The following STAG1 variants were observed in gnomAD, a reference collection of about 807,000 sequenced individuals.
STAG1 encodes cohesin subunit SA-1.
A neutral mutation model predicts 170.9 loss-of-function variants in STAG1; 26 were observed. The observed-to-expected ratio is 0.15, with a 90% CI of 0.11 to 0.21. STAG1 has a LOEUF of 0.21. Ranked by LOEUF, STAG1 falls within the 10% of genes least tolerant of loss-of-function variation. The pLI is 1.00. For synonymous variants in STAG1, 514 were observed against 497.7 expected (o/e 1.03, Z -0.44); for missense variants, 964 against 1,509.5 (o/e 0.64, Z 5.99).
intron 1 of STAG1, among the ~76,000 whole-genome samples, chr3:136,652,561 A>G (rs1292578655): frequency 1.3e-5 from 2 of 152,196 alleles, no homozygotes; most frequent in Non-Finnish European, 1.5e-5. Flanking sequence ...GGCCAATGTT[A>G]TAAGAGAGTT....
At chr3:136,362,280 C>T (rs1162824094) in intron 26 of STAG1, among the ~76,000 whole-genome samples, 1 of 151,864 alleles carries the variant, frequency 6.6e-6, no homozygotes, top group Admixed American at 6.6e-5. Context: ...CTCATGTTTA[C>T]TGGTTTGTAA....
intron 1 of STAG1, among the ~76,000 whole-genome samples, chr3:136,743,019 C>G (rs1248446980): frequency 6.6e-6 from 1 of 152,048 alleles, no homozygotes; most frequent in East Asian, 1.9e-4. Context: ...TGACAATTAC[C>G]TCAGTTGGTT....
chr3:136,342,959 G>T (rs1296799910), intron 30 of STAG1, among the ~76,000 whole-genome samples: 1 of 152,240 alleles, frequency 6.6e-6, no homozygotes, highest in African/African-American at 2.4e-5. Context: ...GCACAAGAAT[G>T]CCCAGTTATA....
chr3:136,436,763 G>C (rs2088474265), intron 15 of STAG1, among the ~76,000 whole-genome samples: 2 of 152,020 alleles, frequency 1.3e-5, no homozygotes, highest in Admixed American at 1.3e-4. Context: ...AACTAAGTTG[G>C]AGCAAAATCA....
At chr3:136,604,873 C>T (rs943952992) in intron 3 of STAG1, among the ~76,000 whole-genome samples, 1 of 152,144 alleles carries the variant, frequency 6.6e-6, no homozygotes, top group Non-Finnish European at 1.5e-5. Context: ...TGGTCTCGTA[C>T]TCCTGACCTC....
At chr3:136,714,907 C>CA (rs566097796) in intron 1 of STAG1, among the ~76,000 whole-genome samples, 4,267 of 49,190 alleles carry the variant, frequency 0.087, 183 homozygotes, top group African/African-American at 0.18. Context: ...AGCCCCATCT[C>CA]AAAAAAAAAA....
chr3:136,558,024 G>C, intron 5 of STAG1, among the ~76,000 whole-genome samples: 1 of 152,120 alleles, frequency 6.6e-6, no homozygotes, highest in Non-Finnish European at 1.5e-5. Context: ...CAAAATAAAA[G>C]AGAAAAAGCA....
chr3:136,593,814 T>C (rs1425455704), intron 4 of STAG1, among the ~76,000 whole-genome samples: 2 of 152,230 alleles, frequency 1.3e-5, no homozygotes, highest in Non-Finnish European at 2.9e-5. Context: ...TACACTCAAG[T>C]ATTAATTCTA....
chr3:136,466,971 C>G (rs959490086), intron 12 of STAG1, among the ~76,000 whole-genome samples: 1 of 152,122 alleles, frequency 6.6e-6, no homozygotes, highest in East Asian at 1.9e-4. Flanking sequence ...TTTGTCACCA[C>G]CAAGCCTGCC....
chr3:136,555,790 C>G (rs1173385189), intron 5 of STAG1, among the ~76,000 whole-genome samples: 2 of 150,710 alleles, frequency 1.3e-5, no homozygotes, highest in Non-Finnish European at 3.0e-5. Flanking sequence ...CTTCAGGGTC[C>G]AGATGCCTTG....
chr3:136,442,276 C>T (rs1192347507), intron 15 of STAG1, among the ~76,000 whole-genome samples: 1 of 152,202 alleles, frequency 6.6e-6, no homozygotes, highest in East Asian at 1.9e-4. Context: ...CAAGGCATCA[C>T]TCACCTTCTA....
intron 13 of STAG1, among the ~76,000 whole-genome samples, chr3:136,463,768 T>TACACAC (rs1553725814): frequency 7.8e-5 from 3 of 38,590 alleles, no homozygotes; most frequent in Admixed American, 2.6e-4. Flanking sequence ...TGTGTGTGTG[T>TACACAC]ATACACACAC....
chr3:136,691,431 A>C (rs1942719335), intron 1 of STAG1, among the ~76,000 whole-genome samples: 1 of 138,312 alleles, frequency 7.2e-6, no homozygotes, highest in Non-Finnish European at 1.5e-5. Flanking sequence ...CGAGACTCTC[A>C]AAAAAAAAAA....
At chr3:136,722,606 A>G (rs1169533026) in intron 1 of STAG1, among the ~76,000 whole-genome samples, 2 of 150,098 alleles carry the variant, frequency 1.3e-5, no homozygotes, top group Non-Finnish European at 3.0e-5. Context: ...ATTGGAGAGC[A>G]TGACTCTCCC....
chr3:136,368,635 C>A (rs528439021), intron 24 of STAG1, among the ~76,000 whole-genome samples: 1 of 152,126 alleles, frequency 6.6e-6, no homozygotes, highest in African/African-American at 2.4e-5. Flanking sequence ...AGATTGGAAA[C>A]TAGCCATATG....
At chr3:136,589,903 C>A (rs1424628588) in intron 4 of STAG1, among the ~76,000 whole-genome samples, 4 of 151,960 alleles carry the variant, frequency 2.6e-5, no homozygotes, top group Admixed American at 2.0e-4. Context: ...TGCACTCCGG[C>A]CTGGGTAACA....
At chr3:136,396,154 G>C (rs1041872133) in intron 22 of STAG1, among the ~76,000 whole-genome samples, 1 of 151,270 alleles carries the variant, frequency 6.6e-6, no homozygotes, top group Non-Finnish European at 1.5e-5. Context: ...CGCCCACCTT[G>C]GTCTCCCAAA....
chr3:136,380,530 G>A (rs960599554), intron 22 of STAG1, among the ~76,000 whole-genome samples: 4 of 151,958 alleles, frequency 2.6e-5, no homozygotes, highest in Non-Finnish European at 5.9e-5. Flanking sequence ...GTGAGCCACC[G>A]TGCCCAGCCA....
intron 4 of STAG1, among the ~76,000 whole-genome samples, chr3:136,587,181 C>A (rs1332741677): frequency 2.7e-5 from 4 of 149,020 alleles, no homozygotes; most frequent in South Asian, 2.1e-4. Flanking sequence ...AAAAAAAAAA[C>A]AACTTCACTC....
Sources: allele counts gnomAD v4.1 joint callset (sites outside exome capture counted in the v4.1 genomes callset), GRCh38; gene constraint gnomAD v4.1.1; transcripts MANE v1.5; gene names NCBI Gene and HGNC (gene_info 2026-07-23, HGNC 2026-07-21).